The following IFI44L variants were observed in gnomAD, a reference collection of about 807,000 sequenced individuals.
IFI44L encodes the protein interferon-induced protein 44-like.
Under a neutral mutation model 39.3 loss-of-function variants are expected in IFI44L, and 40 were observed. The observed-to-expected ratio is 1.02, with a 90% confidence interval of 0.79 to 1.33. The LOEUF (loss-of-function observed/expected upper bound fraction) is 1.33, where lower values mean the gene tolerates loss of function less well. Among genes scored for constraint, IFI44L ranks in the 40% most tolerant of loss-of-function variants. The probability of loss-of-function intolerance (pLI) is 0.00; values close to 1 mark genes in which losing one functional copy is unlikely to be tolerated. For missense variants in IFI44L, 623 were observed against 549.0 expected, an observed-to-expected ratio of 1.13 and a Z score of -1.35; for synonymous variants, 198 against 182.3, an observed-to-expected ratio of 1.09 and a Z score of -0.69.
chr1:78,641,380 T>A, intron 7 of IFI44L, 55 bp from the exon 8 acceptor site: 1 of 1,501,126 alleles, frequency 6.7e-7, no homozygotes, highest in Admixed American at 2.0e-5. Context: ...TTAAAATTGG[T>A]CAAATTTCAA....
chr1:78,633,259 T>A (rs1453396283), intron 4 of IFI44L, among the ~76,000 whole-genome samples: 1 of 152,188 alleles, frequency 6.6e-6, no homozygotes, highest in Non-Finnish European at 1.5e-5. Flanking sequence ...TCAGGCCTAC[T>A]GCAGTAAAAT....
intron 5 of IFI44L, chr1:78,636,687 G>A (rs1046685451): frequency 1.1e-5 from 2 of 187,432 alleles, no homozygotes; most frequent in South Asian, 3.0e-4. Flanking sequence ...GCTTAGGGAG[G>A]AGTCTTAAAT....
Position 78,635,340 on chromosome 1 carries a change from A to G in IFI44L, c.727A>G (p.Arg243Gly), listed in dbSNP as rs1652905363. The G allele has an allele frequency of 1.3e-6, 2 of 1,592,590 alleles. No homozygotes were observed. The highest frequency in any genetic ancestry group is 1.7e-6 in the Non-Finnish European group (2 of 1,161,036). Residue 243 changes from arginine (R) to glycine (G), a missense_variant, in exon 5 of 9, where the codon AGG becomes GGG. Transcript: ENST00000370751. ...ACTTAATGTATTTTTTTAACAGTAT[A>G]GGATATATTCTGTTAAAGATGGAAA... ...SDITSITERY[R>G]IYSVKDGKNG...
chr1:78,629,101 A>G, intron 3 of IFI44L, 102 bp downstream of exon 3: 1 of 777,198 alleles, frequency 1.3e-6, no homozygotes, highest in Non-Finnish European at 2.2e-6. Flanking sequence ...TGCCACTGGA[A>G]TGATTAAAAA....
rs549878695 is a variant in IFI44L, at chr1:78,621,116, C to G, written c.-11+545C>G. 3 of 152,182 alleles carry G rather than the reference C, an allele frequency of 2.0e-5. No homozygotes were observed. In the South Asian group the frequency reaches 6.2e-4, roughly 31 times the overall value. The allele number at this position is 152,182 out of a possible 1,614,324, so 9.4% of individuals were successfully genotyped here. A position where few individuals can be genotyped will look rare whatever the true frequency, so the allele number is the denominator to read the frequency against. ...GTCTTTTATTTTAATGAAAATTTCA[C>G]ACACAGATAACTAGAGAGTATAAAT... On this transcript the variant is annotated intron_variant, in intron 1 of 8. Coordinates refer to ENST00000370751, the MANE Select transcript of IFI44L (RefSeq NM_006820.4).
chr1:78,635,855 T>A (rs1380004235), intron 5 of IFI44L: 9 of 218,140 alleles, frequency 4.1e-5, no homozygotes, highest in Non-Finnish European at 8.1e-5. Context: ...TGTGTTGAAA[T>A]GTCATTTTAT....
chr1:78,638,185 C>T (rs907082804), intron 6 of IFI44L, among the ~76,000 whole-genome samples: 1 of 152,076 alleles, frequency 6.6e-6, no homozygotes, highest in African/African-American at 2.4e-5. Flanking sequence ...TGCTTAATGA[C>T]TAATGACATT....
At chr1:78,638,481 A>T (rs1382842133) in intron 6 of IFI44L, among the ~76,000 whole-genome samples, 1 of 152,074 alleles carries the variant, frequency 6.6e-6, no homozygotes, top group Admixed American at 6.6e-5. Context: ...TTATAGTCTC[A>T]CAATTTATTT....
chr1:78,626,403 T>C (rs1652488484), intron 1 of IFI44L: 1 of 152,056 alleles, frequency 6.6e-6, no homozygotes, highest in African/African-American at 2.4e-5. Context: ...TGCTTTTTCC[T>C]CTTGGTTTTC....
chr1:78,637,223 TA>T lies in IFI44L; in HGVS notation c.1048+27del, dbSNP rs779517126. On this transcript the variant is annotated intron_variant, in intron 6 of 8. Coordinates refer to ENST00000370751, the MANE Select transcript of IFI44L (RefSeq NM_006820.4). ...ACTGTGGTGAGTCTCACTGAACTTA[TA>T]AAAAAATTTACTTTGAAATAATTAT... 3.4e-5 allele frequency: 52 copies of T among 1,551,626 alleles called. No individual in the cohort carries two copies. Among genetic ancestry groups the T allele is most frequent in the Non-Finnish European group, 3.9e-5 (45 of 1,148,748 alleles).
At chr1:78,632,984 T>C (rs769067695) in intron 4 of IFI44L, among the ~76,000 whole-genome samples, 2 of 152,146 alleles carry the variant, frequency 1.3e-5, no homozygotes, top group Non-Finnish European at 2.9e-5. Flanking sequence ...GTCACATAGG[T>C]CTCTCCAGCA....
In IFI44L at chr1:78,642,074, A is replaced by T. The variant is rs575329586; in HGVS notation, c.*265A>T. ...TTTTTAAACCACTGGAGGAAAAATGAGATATTCTCTAATTTATTCTTCTAT... is the reference window on the plus strand; with the variant it reads ...TTTTTAAACCACTGGAGGAAAAATGTGATATTCTCTAATTTATTCTTCTAT... On this transcript the variant is annotated 3_prime_UTR_variant, in exon 9 of 9. Transcript: ENST00000370751. 3 of 564,582 alleles carry T rather than the reference A, an allele frequency of 5.3e-6. No homozygotes were observed. In the Admixed American group the frequency reaches 9.2e-5, roughly 17 times the overall value. The allele number at this position is 564,582 out of a possible 1,614,324, so 35.0% of individuals were successfully genotyped here.
In IFI44L at chr1:78,641,482, G is replaced by A; in HGVS notation, c.1197G>A (p.Leu399=). 1.2e-6 allele frequency: 2 copies of A among 1,613,492 alleles called. No homozygotes were observed. Among genetic ancestry groups the A allele is most frequent in the Admixed American group, 3.3e-5 (2 of 59,970 alleles). ...TAGGCATTCCTATTTCCAATATTTT[G>A]ATGGTTGGAAATTATGCTTCAGATT... ...KMLGIPISNI[L]MVGNYASDLE... The change falls in exon 8 of 9, where the codon TTG becomes TTA. Residue 399 remains leucine, a synonymous_variant. Coordinates refer to ENST00000370751, the MANE Select transcript of IFI44L (RefSeq NM_006820.4).
At chr1:78,630,928 A>G (rs1420433490) in intron 4 of IFI44L, among the ~76,000 whole-genome samples, 1 of 152,158 alleles carries the variant, frequency 6.6e-6, no homozygotes, top group Non-Finnish European at 1.5e-5. Context: ...ATTTATTCAG[A>G]CATAGAGACC....
At chr1:78,630,369 C>T (rs146273099) in intron 4 of IFI44L, among the ~76,000 whole-genome samples, 1 of 152,020 alleles carries the variant, frequency 6.6e-6, no homozygotes, top group East Asian at 1.9e-4. Flanking sequence ...GGTGGGTCAA[C>T]TTTGAAGGAG....
Position 78,643,358 on chromosome 1 carries a change from T to C in IFI44L, c.*1549T>C, listed in dbSNP as rs927986158. 6.6e-6 allele frequency: 1 copy of C among 152,080 alleles called. No homozygotes were observed. The highest frequency in any genetic ancestry group is 2.4e-5 in the African/African-American group (1 of 41,426). The allele number at this position is 152,080 out of a possible 1,614,324, so 9.4% of individuals were successfully genotyped here. ...TTAGAGAGGCAACCAGAAAAAGTTATTTTAGGCTCACCAGAGTTGTTCTTA... is the reference window on the plus strand; with the variant it reads ...TTAGAGAGGCAACCAGAAAAAGTTACTTTAGGCTCACCAGAGTTGTTCTTA... On this transcript the variant is annotated 3_prime_UTR_variant, in exon 9 of 9. Coordinates refer to ENST00000370751, the MANE Select transcript of IFI44L (RefSeq NM_006820.4).
intron 5 of IFI44L, 83 bp from the exon 6 acceptor site, chr1:78,636,949 A>G (rs572827962): frequency 5.2e-6 from 5 of 967,696 alleles, no homozygotes; most frequent in African/African-American, 1.7e-5. Context: ...CAGTAGTTAC[A>G]GTATTAGAAG....
intron 1 of IFI44L, chr1:78,620,855 C>G (rs1188792418): frequency 6.6e-6 from 1 of 152,200 alleles, no homozygotes; most frequent in African/African-American, 2.4e-5. Flanking sequence ...TAACCAACCT[C>G]TTTTCATCAT....
intron 1 of IFI44L, among the ~76,000 whole-genome samples, chr1:78,624,335 T>G (rs893719218): frequency 6.6e-6 from 1 of 152,204 alleles, no homozygotes; most frequent in Admixed American, 6.5e-5. Context: ...TTCATTTTGA[T>G]CCACTGCTTA....
Sources: gnomAD v4.1 joint callset for allele counts (sites outside exome capture counted in the v4.1 genomes callset) on GRCh38, gnomAD v4.1.1 for gene constraint, MANE v1.5 for transcripts, NCBI Gene and HGNC (gene_info 2026-07-23, HGNC 2026-07-21) for gene names.